WWOX: variants seen among roughly 807,000 people sequenced by gnomAD.
WWOX encodes the protein WW domain-containing oxidoreductase.
Under a neutral mutation model 46.2 loss-of-function variants are expected in WWOX, and 69 were observed. The ratio of observed to expected loss-of-function variants is 1.49; its 90% CI spans 1.23 to 1.82. WWOX has a LOEUF of 1.82. Ranked by LOEUF, WWOX falls within the 40% of genes most tolerant of loss-of-function variation. The probability of loss-of-function intolerance (pLI) is 0.00; values close to 1 mark genes in which losing one functional copy is unlikely to be tolerated. For missense variants in WWOX, 919 were observed against 542.6 expected (o/e 1.69, Z -6.89); for synonymous variants, 359 against 202.6 (o/e 1.77, Z -6.56).
chr16:78,689,347 G>C (rs572644803), intron 8 of WWOX, among the ~76,000 whole-genome samples: 4 of 152,306 alleles, frequency 2.6e-5, no homozygotes, highest in South Asian at 2.1e-4. Flanking sequence ...AAACACCCCA[G>C]ACATCATATC....
chr16:78,371,262 C>T (rs536261671), intron 5 of WWOX, among the ~76,000 whole-genome samples: 46 of 152,118 alleles, frequency 3.0e-4, no homozygotes, highest in Non-Finnish European at 4.7e-4. Context: ...AGCTATGACT[C>T]TCTACAGATG....
chr16:79,154,275 G>A (rs1264724977), intron 8 of WWOX, among the ~76,000 whole-genome samples: 1 of 152,174 alleles, frequency 6.6e-6, no homozygotes, highest in Non-Finnish European at 1.5e-5. Context: ...AGGTCACCGT[G>A]GGAATGGCTG....
chr16:78,387,035 G>C, intron 6 of WWOX, 87 bp downstream of exon 6: 2 of 1,375,310 alleles, frequency 1.5e-6, no homozygotes, highest in Non-Finnish European at 1.0e-6. Flanking sequence ...AGAATGCAAG[G>C]CTGTTGTGTT....
chr16:78,416,788 A>C (rs1048373093), intron 6 of WWOX, among the ~76,000 whole-genome samples: 1 of 152,228 alleles, frequency 6.6e-6, no homozygotes, highest in African/African-American at 2.4e-5. Flanking sequence ...AAAGAGGAGA[A>C]ATAACAATTA....
rs565614000 is a variant in WWOX, at chr16:78,424,245, G to A, written c.606-625G>A. On this transcript the variant is annotated intron_variant, in intron 6 of 8. Coordinates refer to ENST00000566780, the MANE Select transcript of WWOX (RefSeq NM_016373.4). ...TGATTCTCCGGCCTCAGCCTCCTGA[G>A]TAACTGGGATTACAGACATATACCA... 2.6e-5 allele frequency among the ~76,000 whole-genome samples: 4 copies of A among 151,378 alleles called. No individual in the cohort carries two copies. In the South Asian group the frequency reaches 8.4e-4, roughly 32 times the overall value.
Position 78,982,018 on chromosome 16 carries a change from G to A in WWOX, c.1057-229590G>A, listed in dbSNP as rs932483338. On this transcript the variant is annotated intron_variant, in intron 8 of 8. Coordinates refer to ENST00000566780, the MANE Select transcript of WWOX (RefSeq NM_016373.4). ...TGGCAGAATCTCAGTTTCAACATCT[G>A]TCTCTAAGGGCTCTGGACCTATGCT... Among the ~76,000 whole-genome samples the A allele has an allele frequency of 3.2e-4, 48 of 152,146 alleles. 1 individual carries two copies. The highest frequency in any genetic ancestry group is 1.1e-3 in the African/African-American group (44 of 41,426).
Position 78,804,427 on chromosome 16 carries a change from A to G in WWOX, c.1056+371675A>G, listed in dbSNP as rs73575674. Among the ~76,000 whole-genome samples, 1,264 of 152,308 alleles carry G rather than the reference A, an allele frequency of 8.3e-3. 23 individuals carry two copies. Among genetic ancestry groups the G allele is most frequent in the African/African-American group, 0.029 (1,207 of 41,548 alleles). On this transcript the variant is annotated intron_variant, in intron 8 of 8. Coordinates refer to ENST00000566780, the MANE Select transcript of WWOX (RefSeq NM_016373.4). Reference sequence around the variant, plus strand: ...GGCGCTCAGCCAAATTAAAAAAAAAAAAAAGAAAGAAAGAATTGAAATGAT... The same window carrying G: ...GGCGCTCAGCCAAATTAAAAAAAAAGAAAAGAAAGAAAGAATTGAAATGAT...
intron 8 of WWOX, chr16:78,757,004 G>C (rs1360121073): frequency 4.3e-6 from 3 of 702,732 alleles, no homozygotes; most frequent in Non-Finnish European, 7.8e-6. Context: ...TGAGCCTCCT[G>C]CCAACAGCCA....
At chr16:78,314,222 C>G (rs1464314913) in intron 5 of WWOX, among the ~76,000 whole-genome samples, 2 of 151,974 alleles carry the variant, frequency 1.3e-5, no homozygotes, top group African/African-American at 4.8e-5. Flanking sequence ...CTGGCTAACA[C>G]AGTGAAACCC....
Position 78,350,959 on chromosome 16 carries a change from C to G in WWOX, c.517-35901C>G, listed in dbSNP as rs545967982. ...ATTTCTCCATATCTTCACCAGCACT[C>G]GCTGTCATTTTTCTTTTTAGTCTTG... On this transcript the variant is annotated intron_variant, in intron 5 of 8. Coordinates refer to ENST00000566780, the MANE Select transcript of WWOX (RefSeq NM_016373.4). Among the ~76,000 whole-genome samples, 454 of 56,482 alleles carry G rather than the reference C, an allele frequency of 8.0e-3. 98 individuals carry two copies. The highest frequency in any genetic ancestry group is 0.02 in the African/African-American group (395 of 19,762). 37.1% of individuals were successfully genotyped at this position (56,482 alleles called of 152,430 possible).
intron 5 of WWOX, among the ~76,000 whole-genome samples, chr16:78,280,587 A>G (rs953043086): frequency 1.3e-5 from 2 of 151,458 alleles, no homozygotes; most frequent in African/African-American, 4.9e-5. Flanking sequence ...GCCTCAGGAA[A>G]CTTACAATCA....
intron 8 of WWOX, chr16:79,205,375 T>C (rs573321625): frequency 6.9e-4 from 105 of 152,334 alleles, no homozygotes; most frequent in African/African-American, 2.2e-3. Flanking sequence ...CTGAGGTTTT[T>C]CTACCTTTGT....
chr16:78,770,683 C>T (rs1336773510), intron 8 of WWOX, among the ~76,000 whole-genome samples: 5 of 145,588 alleles, frequency 3.4e-5, no homozygotes, highest in African/African-American at 7.5e-5. Context: ...CGAAGTGAAC[C>T]GCCCACAGGG....
chr16:78,563,965 T>G (rs907981659), intron 8 of WWOX, among the ~76,000 whole-genome samples: 1 of 152,224 alleles, frequency 6.6e-6, no homozygotes, highest in African/African-American at 2.4e-5. Context: ...AACGTGCTTT[T>G]ATGTTGGTGC....
chr16:78,659,620 A>G (rs183759504), intron 8 of WWOX, among the ~76,000 whole-genome samples: 1 of 152,302 alleles, frequency 6.6e-6, no homozygotes, highest in East Asian at 1.9e-4. Flanking sequence ...AAAGCACTGT[A>G]CTACTCATCT....
At chr16:78,336,871 C>G (rs1007901538) in intron 5 of WWOX, among the ~76,000 whole-genome samples, 1 of 152,090 alleles carries the variant, frequency 6.6e-6, no homozygotes, top group Non-Finnish European at 1.5e-5. Flanking sequence ...CCTCCGCCTC[C>G]CAGTTTAAGC....
chr16:78,941,723 G>T (rs2151292787), intron 8 of WWOX, among the ~76,000 whole-genome samples: 1 of 152,190 alleles, frequency 6.6e-6, no homozygotes, highest in South Asian at 2.1e-4. Context: ...CCTTTCCCAG[G>T]TTTGAAAAGG....
At chr16:78,798,061 T>C (rs533169054) in intron 8 of WWOX, among the ~76,000 whole-genome samples, 11 of 152,308 alleles carry the variant, frequency 7.2e-5, no homozygotes, top group African/African-American at 2.6e-4. Context: ...TCCAGTCTTC[T>C]CCTTTTGTTT....
intron 8 of WWOX, among the ~76,000 whole-genome samples, chr16:79,030,314 G>A (rs1220337063): frequency 4.6e-5 from 7 of 152,090 alleles, no homozygotes; most frequent in South Asian, 2.1e-4. Flanking sequence ...CCTCCAGTGC[G>A]TACGCAGATC....
Sources: gnomAD v4.1 joint callset for allele counts (sites outside exome capture counted in the v4.1 genomes callset) on GRCh38, gnomAD v4.1.1 for gene constraint, MANE v1.5 for transcripts, NCBI Gene and HGNC (gene_info 2026-07-23, HGNC 2026-07-21) for gene names.